THRAP3: variants seen among roughly 807,000 people sequenced by gnomAD.
THRAP3 encodes the protein thyroid hormone receptor-associated protein 3.
Under a neutral mutation model 101.0 loss-of-function variants are expected in THRAP3, and 16 were observed. The ratio of observed to expected loss-of-function variants is 0.16; its 90% CI spans 0.11 to 0.24. THRAP3 has a LOEUF of 0.24. Among genes scored for constraint, THRAP3 ranks in the 10% least tolerant of loss-of-function variants. The pLI, the probability that THRAP3 is intolerant of heterozygous loss-of-function variation, is 1.00. For synonymous variants in THRAP3, 407 were observed against 422.6 expected (o/e 0.96, Z 0.45); for missense variants, 989 against 1,202.7 (o/e 0.82, Z 2.63).
At position 36,304,297 on chromosome 1, in the gene THRAP3, C is replaced by CA. The variant is rs1245559151; in HGVS notation, c.*281dup. The CA allele has an allele frequency of 8.3e-5, 26 of 315,122 alleles. 1 individual carries two copies. In the East Asian group the frequency reaches 1.2e-3, roughly 15 times the overall value. 19.5% of individuals were successfully genotyped at this position (315,122 alleles called of 1,614,324 possible). On this transcript the variant is annotated 3_prime_UTR_variant, in exon 12 of 12. Coordinates refer to ENST00000354618, the MANE Select transcript of THRAP3 (RefSeq NM_005119.4). The stretch of plus-strand genomic sequence containing the variant: ...CATTTGTTGGTGTGTGGGGTGGGGG[C>CA]AGGGGTAGGGCGGGAGAGCGATGCT...
intron 2 of THRAP3, among the ~76,000 whole-genome samples, chr1:36,276,405 T>C (rs1645661056): frequency 6.6e-6 from 1 of 151,614 alleles, no homozygotes; most frequent in African/African-American, 2.4e-5. Flanking sequence ...GTGCCTGTAG[T>C]CCCAGCTACT....
intron 4 of THRAP3, chr1:36,287,559 C>T (rs1299097740): frequency 7.1e-6 from 7 of 985,296 alleles, no homozygotes; most frequent in Non-Finnish European, 8.4e-6. Context: ...AGCCAAAGAA[C>T]AGTAGAGATT....
At chr1:36,298,282 A>G (rs774633076) in intron 9 of THRAP3, among the ~76,000 whole-genome samples, 2 of 152,152 alleles carry the variant, frequency 1.3e-5, no homozygotes, top group Non-Finnish European at 2.9e-5. Context: ...CCATAGATAA[A>G]GAACCTGCGA....
At chr1:36,241,577 A>ATT (rs562173564) in intron 1 of THRAP3, among the ~76,000 whole-genome samples, 21 of 133,460 alleles carry the variant, frequency 1.6e-4, no homozygotes, top group South Asian at 2.3e-4. Flanking sequence ...ATCCGCTAAA[A>ATT]TTTTTTTTTT....
At chr1:36,213,775 A>G in the THRAP3 span, among the ~76,000 whole-genome samples, 1 of 151,706 alleles carries the variant, frequency 6.6e-6, no homozygotes, top group African/African-American at 2.4e-5. Flanking sequence ...TGAACCCAGA[A>G]GGTGGAAGTT....
chr1:36,247,685 A>G (rs1265714982), intron 1 of THRAP3, among the ~76,000 whole-genome samples: 3 of 152,092 alleles, frequency 2.0e-5, no homozygotes, highest in Non-Finnish European at 2.9e-5. Flanking sequence ...ACATTGTGGA[A>G]TGGTTAAATC....
chr1:36,290,964 G>T (rs1373264759), intron 5 of THRAP3, among the ~76,000 whole-genome samples: 2 of 152,132 alleles, frequency 1.3e-5, no homozygotes, highest in Non-Finnish European at 2.9e-5. Context: ...GGCTGGTCAT[G>T]CTAGCTGATC....
At chr1:36,209,906 A>G in the THRAP3 span, among the ~76,000 whole-genome samples, 2,119 of 152,326 alleles carry the variant, frequency 0.014, 57 homozygotes, top group African/African-American at 0.047. Flanking sequence ...CAAGCGTGGA[A>G]AAAGAGTGGC....
Position 36,299,135 on chromosome 1 carries a change from A to ATCAC in THRAP3, c.2304-1751_2304-1750insTCAC, listed in dbSNP as rs1645997478. Among the ~76,000 whole-genome samples, 3 of 151,620 alleles carry ATCAC rather than the reference A, an allele frequency of 2.0e-5. No individual in the cohort carries two copies. In the South Asian group the frequency reaches 6.4e-4, roughly 32 times the overall value. On this transcript the variant is annotated intron_variant, in intron 9 of 11. Transcript: ENST00000354618. ...AACTGAAGAATGACTTACCCAGGTG[A>ATCAC]CACAGCTAATAAGAGACAATGCTGG...
chr1:36,251,287 CATT>C (rs1645297459), intron 1 of THRAP3, among the ~76,000 whole-genome samples: 1 of 152,134 alleles, frequency 6.6e-6, no homozygotes, highest in Non-Finnish European at 1.5e-5. Context: ...GGAAAGTAGT[CATT>C]ATGAGTTCTT....
At chr1:36,299,085 T>C (rs1460524642) in intron 9 of THRAP3, among the ~76,000 whole-genome samples, 2 of 151,392 alleles carry the variant, frequency 1.3e-5, no homozygotes, top group Non-Finnish European at 2.9e-5. Context: ...TGAGCCACTG[T>C]GCCCAGCCAG....
Position 36,289,449 on chromosome 1 carries a change from C to G in THRAP3, c.1430C>G (p.Ala477Gly). ...GGCAAATGGGAGGGCCTGGTATATG[C>G]ACCTCCAGGGAAGGAAAAGCAGAGA... ...KSGKWEGLVY[A>G]PPGKEKQRKT... is the part of the protein sequence containing the mutation. Residue 477 changes from alanine to glycine, a missense_variant, in exon 5 of 12, where the codon GCA becomes GGA. Physicochemically the swap from Ala to Gly is moderately conservative, Grantham distance 60. Coordinates refer to ENST00000354618, the MANE Select transcript of THRAP3 (RefSeq NM_005119.4). 1 of 1,614,194 alleles carries G rather than the reference C, an allele frequency of 6.2e-7. No homozygotes were observed. The highest frequency in any genetic ancestry group is 1.1e-5 in the South Asian group (1 of 91,082).
rs369672299 is a variant in THRAP3 at position 36,282,716 on chromosome 1, T to C, written c.137+16T>C. ...GCAGGCTGAGGTAAGGGGGTGTGACTTTGTATATTGAGATAATCATTGCAT... is the reference window on the plus strand; with the variant it reads ...GCAGGCTGAGGTAAGGGGGTGTGACCTTGTATATTGAGATAATCATTGCAT... On this transcript the variant is annotated intron_variant, in intron 3 of 11. Coordinates refer to ENST00000354618, the MANE Select transcript of THRAP3 (RefSeq NM_005119.4). 55 of 1,613,686 alleles carry C rather than the reference T, an allele frequency of 3.4e-5. No homozygotes were observed. Among genetic ancestry groups the C allele is most frequent in the Non-Finnish European group, 4.4e-5 (52 of 1,179,818 alleles).
intron 9 of THRAP3, among the ~76,000 whole-genome samples, chr1:36,298,994 A>G (rs1645995826): frequency 6.6e-6 from 1 of 152,020 alleles, no homozygotes; most frequent in Non-Finnish European, 1.5e-5. Context: ...AGGTTTTGCC[A>G]TGTTGCCCAG....
At chr1:36,247,332 CTT>C (rs964816686) in intron 1 of THRAP3, among the ~76,000 whole-genome samples, 1 of 148,632 alleles carries the variant, frequency 6.7e-6, no homozygotes, top group Non-Finnish European at 1.5e-5. Flanking sequence ...GACAAATTAA[CTT>C]TTTTTTTTGA....
chr1:36,269,375 C>T (rs1645559209), intron 2 of THRAP3, among the ~76,000 whole-genome samples: 1 of 152,034 alleles, frequency 6.6e-6, no homozygotes, highest in Non-Finnish European at 1.5e-5. Context: ...TTTCTCCCCT[C>T]TCGTGATACT....
intron 4 of THRAP3, chr1:36,288,250 C>G: frequency 1.3e-6 from 1 of 747,172 alleles, no homozygotes; most frequent in Non-Finnish European, 1.6e-6. Flanking sequence ...TTTTGGTGCA[C>G]CCATCACCTG....
chr1:36,288,123 C>T lies in THRAP3; in HGVS notation c.1040+853C>T, dbSNP rs1481794657. The T allele has an allele frequency of 1.1e-5, 11 of 984,630 alleles. No homozygotes were observed. In the South Asian group the frequency reaches 2.4e-4, roughly 21 times the overall value. The allele number at this position is 984,630 out of a possible 1,614,324, so 61.0% of individuals were successfully genotyped here. On this transcript the variant is annotated intron_variant, in intron 4 of 11. Coordinates refer to ENST00000354618, the MANE Select transcript of THRAP3 (RefSeq NM_005119.4). ...ACAGATGAGATGTTTTGAATCTGTA[C>T]TTGCCTTCAGTAAGTCTGTTTTATT...
intron 8 of THRAP3, among the ~76,000 whole-genome samples, chr1:36,295,567 T>TCCCTCCTC (rs1222483387): frequency 4.8e-5 from 7 of 144,590 alleles, no homozygotes; most frequent in East Asian, 2.0e-4. Flanking sequence ...CTTCCTTCCT[T>TCCCTCCTC]CCTTCCTTCC....
Sources: gnomAD v4.1 joint callset for allele counts (sites outside exome capture counted in the v4.1 genomes callset) on GRCh38, gnomAD v4.1.1 for gene constraint, MANE v1.5 for transcripts, NCBI Gene and HGNC (gene_info 2026-07-23, HGNC 2026-07-21) for gene names.